The following ST18 variants were observed in gnomAD, a reference collection of about 807,000 sequenced individuals.
ST18 encodes the protein ST18 C2H2C-type zinc finger transcription factor, also known as suppression of tumorigenicity 18 protein.
Under a neutral mutation model 110.0 loss-of-function variants are expected in ST18, and 50 were observed. That is an observed-to-expected ratio of 0.45 (90% CI 0.36 to 0.58). ST18 has a LOEUF of 0.58. Ranked by LOEUF, ST18 falls within the 20% of genes least tolerant of loss-of-function variation. ST18 has a pLI of 0.00. For synonymous variants in ST18, 461 were observed against 452.4 expected (o/e 1.02, Z -0.24); for missense variants, 1,306 against 1,280.1 (o/e 1.02, Z -0.31).
At chr8:52,133,494 G>A (rs1238519525) in intron 19 of ST18, among the ~76,000 whole-genome samples, 193 bp from the exon 20 acceptor site, 2 of 151,948 alleles carry the variant, frequency 1.3e-5, no homozygotes, top group Non-Finnish European at 2.9e-5. Context: ...GACTGTTTTT[G>A]CTTAAATATA....
intron 2 of ST18, among the ~76,000 whole-genome samples, chr8:52,309,520 C>CAAAAAAAAAAAAAAAAAAA: frequency 2.6e-5 from 1 of 37,768 alleles, no homozygotes. Context: ...GACTCCATCT[C>CAAAAAAAAAAAAAAAAAAA]AAAAAAAAAA....
rs1190996746 is a variant in ST18 at position 52,361,163 on chromosome 8, G to A, written c.-465+48165C>T. On this transcript the variant is annotated intron_variant, in intron 2 of 25. Transcript: ENST00000689386. ...AAATGTTATCTTGCAACATTTTTAA[G>A]CCTACATAGTTTCCTTTATTTAGAT... Among the ~76,000 whole-genome samples the A allele has an allele frequency of 1.3e-5, 2 of 152,212 alleles. 1 individual carries two copies. The highest frequency in any genetic ancestry group is 4.1e-4 in the South Asian group (2 of 4,824).
intron 2 of ST18, among the ~76,000 whole-genome samples, chr8:52,290,115 C>T (rs10504140): frequency 0.12 from 18,194 of 152,218 alleles, 1,464 homozygotes; most frequent in Middle Eastern, 0.24. Flanking sequence ...TAGAGACCAT[C>T]TATCTCCTGC....
chr8:52,334,704 T>A (rs1413895688), intron 2 of ST18, among the ~76,000 whole-genome samples: 1 of 144,664 alleles, frequency 6.9e-6, no homozygotes, highest in Non-Finnish European at 1.5e-5. Flanking sequence ...CAAAGGGAAC[T>A]GTGAAAAAAA....
At chr8:52,162,798 T>C (rs1173462671) in intron 13 of ST18, among the ~76,000 whole-genome samples, 1 of 152,200 alleles carries the variant, frequency 6.6e-6, no homozygotes, top group Non-Finnish European at 1.5e-5. Flanking sequence ...CTTTCAAAAT[T>C]TAACAATATT....
intron 8 of ST18, among the ~76,000 whole-genome samples, chr8:52,208,235 G>T (rs1422933857): frequency 6.6e-6 from 1 of 152,134 alleles, no homozygotes; most frequent in Admixed American, 6.5e-5. Flanking sequence ...GCAATAACAC[G>T]TCCAATGCAT....
intron 2 of ST18, among the ~76,000 whole-genome samples, chr8:52,345,580 G>A (rs1423446532): frequency 6.6e-6 from 1 of 152,174 alleles, no homozygotes; most frequent in African/African-American, 2.4e-5. Context: ...ACCTGCAGCC[G>A]TCCCAGCTGC....
At chr8:52,398,364 T>C (rs1260171225) in intron 2 of ST18, among the ~76,000 whole-genome samples, 4 of 152,194 alleles carry the variant, frequency 2.6e-5, no homozygotes, top group Non-Finnish European at 5.9e-5. Flanking sequence ...CATCTGCAAA[T>C]AGAGATAATT....
At chr8:52,233,344 G>A (rs1260546389) in intron 2 of ST18, among the ~76,000 whole-genome samples, 1 of 152,122 alleles carries the variant, frequency 6.6e-6, no homozygotes, top group African/African-American at 2.4e-5. Context: ...TCTCCCTGAA[G>A]ATGTGGAGGC....
chr8:52,283,908 GTCT>G (rs1460481322), intron 2 of ST18, among the ~76,000 whole-genome samples: 2 of 152,188 alleles, frequency 1.3e-5, no homozygotes, highest in Non-Finnish European at 2.9e-5. Flanking sequence ...ATATGAAATA[GTCT>G]TCTACAAGAG....
intron 17 of ST18, among the ~76,000 whole-genome samples, chr8:52,141,858 G>C (rs10088088): frequency 0.069 from 10,478 of 152,288 alleles, 447 homozygotes; most frequent in Non-Finnish European, 0.092. Flanking sequence ...TCACAGCGGG[G>C]TGGCAGCCAA....
At chr8:52,228,051 G>A (rs991922218) in intron 3 of ST18, among the ~76,000 whole-genome samples, 1 of 152,136 alleles carries the variant, frequency 6.6e-6, no homozygotes, top group Non-Finnish European at 1.5e-5. Flanking sequence ...AGACATTTTA[G>A]CATCTGGAAT....
intron 2 of ST18, among the ~76,000 whole-genome samples, chr8:52,304,161 A>G (rs1050628863): frequency 6.6e-6 from 1 of 152,260 alleles, no homozygotes. Flanking sequence ...GATATAAAAT[A>G]AACTTAGTTA....
intron 2 of ST18, among the ~76,000 whole-genome samples, chr8:52,320,548 G>A (rs1420136021): frequency 6.6e-6 from 1 of 152,132 alleles, no homozygotes; most frequent in African/African-American, 2.4e-5. Context: ...TTTGAAAAGG[G>A]TGAGACAAGT....
intron 2 of ST18, among the ~76,000 whole-genome samples, chr8:52,393,407 C>T (rs74398413): frequency 0.037 from 5,653 of 152,162 alleles, 154 homozygotes; most frequent in Middle Eastern, 0.092. Flanking sequence ...GAACTAGTGT[C>T]CTCAAAATGC....
chr8:52,298,493 T>C (rs1398255934), intron 2 of ST18, among the ~76,000 whole-genome samples: 1 of 152,252 alleles, frequency 6.6e-6, no homozygotes, highest in Non-Finnish European at 1.5e-5. Context: ...CTAAAAGTTA[T>C]ATATCAAAAT....
intron 2 of ST18, among the ~76,000 whole-genome samples, chr8:52,309,176 C>A (rs1417167912): frequency 6.6e-6 from 1 of 152,156 alleles, no homozygotes; most frequent in East Asian, 1.9e-4. Context: ...GTGGCGGTGG[C>A]TACCCAAGGT....
Position 52,178,644 on chromosome 8 carries a change from C to CACAA in ST18, c.277+1477_277+1478insTTGT, listed in dbSNP as rs386418682. ...AAAAAAAAAAAAAAAAAAAAAAAAACCACCAAAAACCAAAATAAAACAAAC... is the reference window on the plus strand; with the variant it reads ...AAAAAAAAAAAAAAAAAAAAAAAAACACAACACCAAAAACCAAAATAAAACAAAC... On this transcript the variant is annotated intron_variant, in intron 9 of 25. Coordinates refer to ENST00000689386, the MANE Select transcript of ST18 (RefSeq NM_001352837.2). Among the ~76,000 whole-genome samples, 2 of 61,616 alleles carry CACAA rather than the reference C, an allele frequency of 3.2e-5. 1 individual carries two copies. Among genetic ancestry groups the CACAA allele is most frequent in the African/African-American group, 1.4e-4 (2 of 14,122 alleles). The allele number at this position is 61,616 out of a possible 152,430, so 40.4% of individuals were successfully genotyped here.
chr8:52,168,433 C>T (rs1202598600), intron 10 of ST18, among the ~76,000 whole-genome samples: 2 of 151,968 alleles, frequency 1.3e-5, no homozygotes, highest in South Asian at 2.1e-4. Context: ...TGAGAGCAGA[C>T]GTGCCTCTGC....
Sources: allele counts gnomAD v4.1 joint callset (sites outside exome capture counted in the v4.1 genomes callset), GRCh38; gene constraint gnomAD v4.1.1; transcripts MANE v1.5; gene names NCBI Gene and HGNC (gene_info 2026-07-23, HGNC 2026-07-21).